The following CACNA2D3 variants were observed in gnomAD, a reference collection of about 807,000 sequenced individuals.
CACNA2D3 encodes the protein calcium voltage-gated channel auxiliary subunit alpha2delta 3, also known as voltage-dependent calcium channel subunit alpha-2/delta-3.
A neutral mutation model predicts 160.6 loss-of-function variants in CACNA2D3; 60 were observed. The ratio of observed to expected loss-of-function variants is 0.37; its 90% CI spans 0.30 to 0.46. CACNA2D3 has a LOEUF of 0.46. Among genes scored for constraint, CACNA2D3 ranks in the 20% least tolerant of loss-of-function variants. CACNA2D3 has a pLI of 1.00. For synonymous variants in CACNA2D3, 558 were observed against 492.9 expected (o/e 1.13, Z -1.75); for missense variants, 1,205 against 1,365.0 (o/e 0.88, Z 1.85).
chr3:54,887,612 G>A (rs1699955861), intron 23 of CACNA2D3, among the ~76,000 whole-genome samples: 1 of 152,164 alleles, frequency 6.6e-6, no homozygotes. Flanking sequence ...GATGATGACA[G>A]CCAAGTGTTC....
At chr3:54,300,449 T>C (rs982001262) in intron 2 of CACNA2D3, among the ~76,000 whole-genome samples, 1 of 152,226 alleles carries the variant, frequency 6.6e-6, no homozygotes, top group Non-Finnish European at 1.5e-5. Context: ...TTTCTAATGC[T>C]CTATAGCTTC....
chr3:54,907,297 A>G (rs1055013363), intron 27 of CACNA2D3, among the ~76,000 whole-genome samples: 2 of 152,170 alleles, frequency 1.3e-5, no homozygotes, highest in African/African-American at 4.8e-5. Context: ...CACATGTGTA[A>G]GAGGAGGTTG....
intron 2 of CACNA2D3, among the ~76,000 whole-genome samples, chr3:54,249,366 A>C (rs995801166): frequency 2.0e-5 from 3 of 152,156 alleles, no homozygotes; most frequent in Non-Finnish European, 4.4e-5. Context: ...GGCCTTGTCT[A>C]ATCCATTAAA....
intron 3 of CACNA2D3, among the ~76,000 whole-genome samples, chr3:54,355,781 G>T (rs1388161196): frequency 1.3e-5 from 2 of 152,200 alleles, no homozygotes; most frequent in East Asian, 3.9e-4. Context: ...TAAGTCATGT[G>T]TCTAGGAAGA....
chr3:54,680,436 A>G (rs1451851074), intron 11 of CACNA2D3, among the ~76,000 whole-genome samples: 3 of 152,240 alleles, frequency 2.0e-5, no homozygotes, highest in African/African-American at 2.4e-5. Context: ...GCTTTCAGAT[A>G]GTAAAAATGT....
chr3:55,059,405 A>G (rs1704445444), intron 35 of CACNA2D3, among the ~76,000 whole-genome samples: 1 of 152,170 alleles, frequency 6.6e-6, no homozygotes, highest in Admixed American at 6.5e-5. Context: ...TTGAAACAGG[A>G]GAGTTATCTG....
intron 3 of CACNA2D3, among the ~76,000 whole-genome samples, chr3:54,363,705 C>T (rs994887132): frequency 3.3e-5 from 5 of 152,252 alleles, no homozygotes; most frequent in Middle Eastern, 3.4e-3. Flanking sequence ...TTGGCAAAGT[C>T]GTCTCAAGGT....
At chr3:54,985,862 C>T (rs1421404781) in intron 30 of CACNA2D3, among the ~76,000 whole-genome samples, 2 of 152,042 alleles carry the variant, frequency 1.3e-5, no homozygotes. Flanking sequence ...TTTCAGTGCC[C>T]CTTGGTTGCG....
intron 4 of CACNA2D3, among the ~76,000 whole-genome samples, chr3:54,452,698 C>A (rs918878696): frequency 5.9e-5 from 9 of 152,178 alleles, no homozygotes; most frequent in African/African-American, 2.2e-4. Flanking sequence ...TAACAAAATA[C>A]CACAAAGTTG....
intron 5 of CACNA2D3, among the ~76,000 whole-genome samples, chr3:54,510,435 A>T (rs557863972): frequency 5.9e-5 from 9 of 152,330 alleles, no homozygotes; most frequent in African/African-American, 2.2e-4. Flanking sequence ...AGTCAGGTCC[A>T]GGGAAGTTAC....
chr3:54,189,295 A>G (rs1700938552), intron 2 of CACNA2D3, among the ~76,000 whole-genome samples: 1 of 152,194 alleles, frequency 6.6e-6, no homozygotes, highest in Non-Finnish European at 1.5e-5. Context: ...CCATGAGACC[A>G]GCTCACTGAT....
chr3:54,442,632 A>G (rs1477418382), intron 4 of CACNA2D3, among the ~76,000 whole-genome samples: 1 of 152,188 alleles, frequency 6.6e-6, no homozygotes, highest in Non-Finnish European at 1.5e-5. Flanking sequence ...GCTGATATTC[A>G]TGTAGCAGCA....
At chr3:54,199,552 T>C (rs1271868392) in intron 2 of CACNA2D3, among the ~76,000 whole-genome samples, 4 of 152,030 alleles carry the variant, frequency 2.6e-5, no homozygotes, top group African/African-American at 9.7e-5. Flanking sequence ...TTATTTTTTT[T>C]TGTAGAGACA....
intron 17 of CACNA2D3, among the ~76,000 whole-genome samples, chr3:54,865,767 C>G (rs944158148): frequency 6.6e-6 from 1 of 152,226 alleles, no homozygotes; most frequent in Non-Finnish European, 1.5e-5. Context: ...TCAGTATCAG[C>G]CATTGGTACT....
intron 13 of CACNA2D3, among the ~76,000 whole-genome samples, chr3:54,810,723 T>C (rs949661353): frequency 2.6e-5 from 4 of 152,198 alleles, no homozygotes; most frequent in African/African-American, 9.6e-5. Flanking sequence ...AGATCTTTAA[T>C]TGGAGTTTTA....
chr3:54,377,910 C>A (rs572789657), intron 3 of CACNA2D3, among the ~76,000 whole-genome samples: 24 of 152,214 alleles, frequency 1.6e-4, no homozygotes, highest in Non-Finnish European at 3.4e-4. Flanking sequence ...GCAGGACAGA[C>A]TTCCTTACCA....
intron 4 of CACNA2D3, among the ~76,000 whole-genome samples, chr3:54,468,427 T>C (rs1700667196): frequency 6.6e-6 from 1 of 152,212 alleles, no homozygotes; most frequent in East Asian, 1.9e-4. Flanking sequence ...CCACAGTCTT[T>C]GCGACCTGCA....
At chr3:54,558,980 G>A (rs1345166856) in intron 5 of CACNA2D3, among the ~76,000 whole-genome samples, 2 of 152,098 alleles carry the variant, frequency 1.3e-5, no homozygotes, top group Non-Finnish European at 2.9e-5. Flanking sequence ...GGGATAGGAG[G>A]TAAAGTAAGC....
chr3:54,400,457 G>T (rs1432048818), intron 4 of CACNA2D3, among the ~76,000 whole-genome samples: 2 of 152,124 alleles, frequency 1.3e-5, no homozygotes, highest in Non-Finnish European at 2.9e-5. Context: ...CTTGAGGGCT[G>T]TGTCAGACCT....
Sources: gnomAD v4.1 joint callset for allele counts (sites outside exome capture counted in the v4.1 genomes callset) on GRCh38, gnomAD v4.1.1 for gene constraint, MANE v1.5 for transcripts, NCBI Gene and HGNC (gene_info 2026-07-23, HGNC 2026-07-21) for gene names.